MAP6: variants seen among roughly 807,000 people sequenced by gnomAD.
MAP6 encodes the protein microtubule-associated protein 6.
Under a neutral mutation model 42.4 loss-of-function variants are expected in MAP6, and 26 were observed. That is an observed-to-expected ratio of 0.61 (90% CI 0.45 to 0.85). The LOEUF (loss-of-function observed/expected upper bound fraction) is 0.85. MAP6 is among the 40% of genes least tolerant of loss of function. The pLI is 0.00. For synonymous variants in MAP6, 418 were observed against 443.8 expected (o/e 0.94, Z 0.73); for missense variants, 966 against 1,099.0 (o/e 0.88, Z 1.71).
At chr11:75,643,765 G>A (rs1286236992) in intron 1 of MAP6, among the ~76,000 whole-genome samples, 1 of 152,170 alleles carries the variant, frequency 6.6e-6, no homozygotes, top group Non-Finnish European at 1.5e-5. Flanking sequence ...ACCCCTATGA[G>A]GTAGGTGCTG....
intron 1 of MAP6, among the ~76,000 whole-genome samples, chr11:75,659,099 T>C (rs982283612): frequency 2.0e-5 from 3 of 152,136 alleles, no homozygotes; most frequent in African/African-American, 7.2e-5. Context: ...GGAAACTGAA[T>C]GAAGAAAGTA....
At chr11:75,651,922 C>T (rs936668364) in intron 1 of MAP6, among the ~76,000 whole-genome samples, 9 of 152,192 alleles carry the variant, frequency 5.9e-5, no homozygotes, top group African/African-American at 2.2e-4. Flanking sequence ...TGCCTACCAG[C>T]CAGATACAGC....
At chr11:75,588,874 G>A (rs765999765) in intron 3 of MAP6, among the ~76,000 whole-genome samples, 1 of 152,104 alleles carries the variant, frequency 6.6e-6, no homozygotes, top group Admixed American at 6.5e-5. Context: ...GTAGAGACGG[G>A]GCCTCACTAT....
Position 75,667,335 on chromosome 11 carries a change from G to A in MAP6, c.905+130C>T, listed in dbSNP as rs1943964686. ...CAGGAGGTGGCCTGGGAGGCGGCTGGGGAGAGGGTGTGGCCTGGGACTGGA... is the reference window on the plus strand; with the variant it reads ...CAGGAGGTGGCCTGGGAGGCGGCTGAGGAGAGGGTGTGGCCTGGGACTGGA... On this transcript the variant is annotated intron_variant, in intron 1 of 3. Coordinates refer to ENST00000304771, the MANE Select transcript of MAP6 (RefSeq NM_033063.2). The surrounding 1 kb of genome is among the most constrained non-coding windows in gnomAD (Gnocchi z 5.6). The A allele has an allele frequency of 2.4e-6, 2 of 833,490 alleles. No homozygotes were observed. The highest frequency in any genetic ancestry group is 3.4e-6 in the Non-Finnish European group (2 of 589,264). 51.6% of individuals were successfully genotyped at this position (833,490 alleles called of 1,614,324 possible). A position where few individuals can be genotyped will look rare whatever the true frequency, so the allele number is the denominator to read the frequency against.
intron 1 of MAP6, among the ~76,000 whole-genome samples, chr11:75,616,915 C>T (rs151054365): frequency 2.6e-4 from 39 of 151,992 alleles, no homozygotes; most frequent in Admixed American, 1.8e-3. Flanking sequence ...CATACTTGGA[C>T]GAAAAATGGT....
intron 1 of MAP6, among the ~76,000 whole-genome samples, chr11:75,618,639 G>A (rs1943046186): frequency 6.6e-6 from 1 of 152,112 alleles, no homozygotes; most frequent in Non-Finnish European, 1.5e-5. Context: ...AGTGCAGGGG[G>A]AGTCCCTCTC....
chr11:75,624,694 A>C (rs1482349383), intron 1 of MAP6, among the ~76,000 whole-genome samples: 4 of 152,196 alleles, frequency 2.6e-5, no homozygotes, highest in African/African-American at 4.8e-5. Flanking sequence ...AGATAGAAAA[A>C]GGCTAAGGGC....
At chr11:75,654,255 A>T (rs919790164) in intron 1 of MAP6, among the ~76,000 whole-genome samples, 2 of 152,226 alleles carry the variant, frequency 1.3e-5, no homozygotes, top group Non-Finnish European at 2.9e-5. Flanking sequence ...CATCAGAGGA[A>T]AGCAGGAATT....
intron 1 of MAP6, among the ~76,000 whole-genome samples, chr11:75,645,757 A>G (rs1245135273): frequency 6.6e-6 from 1 of 152,220 alleles, no homozygotes. Context: ...CAGAACTTCT[A>G]GAAATGAAGT....
In MAP6 at chr11:75,668,160, C is replaced by T; in HGVS notation, c.210G>A (p.Gln70=). The change falls in exon 1 of 4, where the codon CAG becomes CAA. Residue 70 remains glutamine (Q), a synonymous_variant. Coordinates refer to ENST00000304771, the MANE Select transcript of MAP6 (RefSeq NM_033063.2). ...PSARAVAIET[Q]PAQGELDAVA... is the part of the protein sequence containing the mutation. ...CTGCATCCAACTCGCCCTGGGCTGG[C>T]TGCGTCTCTATGGCAACCGCGCGCG... 8.2e-7 allele frequency: 1 copy of T among 1,225,496 alleles called. No homozygotes were observed. The highest frequency in any genetic ancestry group is 1.0e-6 in the Non-Finnish European group (1 of 989,734). 75.9% of individuals were successfully genotyped at this position (1,225,496 alleles called of 1,614,324 possible).
rs373133795 is a variant in MAP6, at chr11:75,636,182, C to T, written c.906-27860G>A. On this transcript the variant is annotated intron_variant, in intron 1 of 3. Transcript: ENST00000304771. ...AGAAACTCTAAGATATTTACTGAAT[C>T]TGCCCAACAACCTTGGGATATAAAC... The T allele has an allele frequency of 3.9e-5, 6 of 152,358 alleles. 1 individual carries two copies. In the East Asian group the frequency reaches 1.2e-3, roughly 29 times the overall value. 9.4% of individuals were successfully genotyped at this position (152,358 alleles called of 1,614,324 possible). A position where few individuals can be genotyped will look rare whatever the true frequency, so the allele number is the denominator to read the frequency against.
chr11:75,667,448 C>A lies in MAP6; in HGVS notation c.905+17G>T. 1 of 1,466,048 alleles carries A rather than the reference C, an allele frequency of 6.8e-7. No homozygotes were observed. Among genetic ancestry groups the A allele is most frequent in the Non-Finnish European group, 9.0e-7 (1 of 1,115,734 alleles). 90.8% of individuals were successfully genotyped at this position (1,466,048 alleles called of 1,614,324 possible). The stretch of plus-strand genomic sequence containing the variant: ...CTGCGTGGTGACTCCCCCGCGCTAG[C>A]AGCGGCCGCGTCTCACCTGTAGGAG... On this transcript the variant is annotated intron_variant, in intron 1 of 3. Coordinates refer to ENST00000304771, the MANE Select transcript of MAP6 (RefSeq NM_033063.2). This position sits in a 1 kb window ranked among gnomAD's most constrained non-coding sequence, Gnocchi z 5.6.
At chr11:75,600,883 A>G (rs1942653620) in intron 3 of MAP6, among the ~76,000 whole-genome samples, 1 of 152,254 alleles carries the variant, frequency 6.6e-6, no homozygotes, top group Non-Finnish European at 1.5e-5. Context: ...AATTTCATGA[A>G]GAACACAAAA....
intron 3 of MAP6, chr11:75,603,153 A>C: frequency 2.0e-6 from 2 of 985,524 alleles, no homozygotes; most frequent in Non-Finnish European, 2.4e-6. Context: ...GACAGGACAG[A>C]TTGCTGAGGG....
At chr11:75,655,615 G>A (rs1308016646) in intron 1 of MAP6, among the ~76,000 whole-genome samples, 1 of 152,230 alleles carries the variant, frequency 6.6e-6, no homozygotes, top group East Asian at 1.9e-4. Flanking sequence ...TGAGAGTTTA[G>A]GAAAAGAAGT....
chr11:75,635,311 A>G (rs1235440063), intron 1 of MAP6, among the ~76,000 whole-genome samples: 1 of 152,196 alleles, frequency 6.6e-6, no homozygotes, highest in Non-Finnish European at 1.5e-5. Context: ...TATTAAAGTG[A>G]AAAGGGAAAA....
chr11:75,643,218 T>TTATA (rs139222688), intron 1 of MAP6, among the ~76,000 whole-genome samples: 2 of 149,208 alleles, frequency 1.3e-5, no homozygotes, highest in Non-Finnish European at 3.0e-5. Flanking sequence ...TGTATGTGTT[T>TTATA]TATATATATA....
chr11:75,601,297 CCTGT>C (rs1466939752), intron 3 of MAP6, among the ~76,000 whole-genome samples: 4 of 152,178 alleles, frequency 2.6e-5, no homozygotes, highest in African/African-American at 7.2e-5. Context: ...CTACTTCTCG[CCTGT>C]CTTTCTTACC....
At chr11:75,628,147 C>T (rs1368981835) in intron 1 of MAP6, among the ~76,000 whole-genome samples, 3 of 152,070 alleles carry the variant, frequency 2.0e-5, no homozygotes, top group African/African-American at 7.2e-5. Flanking sequence ...TTGGGGGTGG[C>T]CTGTACTCTG....
Sources: gnomAD v4.1 joint callset for allele counts (sites outside exome capture counted in the v4.1 genomes callset) on GRCh38, gnomAD v4.1.1 for gene constraint, Gnocchi (gnomAD v3.1) non-coding constraint, MANE v1.5 for transcripts, NCBI Gene and HGNC (gene_info 2026-07-23, HGNC 2026-07-21) for gene names.